The following ZNF697 variants were observed in gnomAD, a reference collection of about 807,000 sequenced individuals.
ZNF697 encodes zinc finger protein 697.
A neutral mutation model predicts 32.4 loss-of-function variants in ZNF697; 23 were observed. The ratio of observed to expected loss-of-function variants is 0.71; its 90% confidence interval spans 0.51 to 1.01. The LOEUF is 1.01. ZNF697 is among the 50% of genes least tolerant of loss of function. ZNF697 has a pLI of 0.00. For missense variants in ZNF697, 930 were observed against 794.0 expected (o/e 1.17, Z -2.06); for synonymous variants, 418 against 337.2 (o/e 1.24, Z -2.62).
rs1648399737 is a variant in ZNF697, at chr1:119,623,028, AC to A, written c.1314del (p.Cys439AlafsTer15). 6.3e-7 allele frequency: 1 copy of A among 1,590,332 alleles called. No individual in the cohort carries two copies. The highest frequency in any genetic ancestry group is 8.6e-7 in the Non-Finnish European group (1 of 1,167,016). On this transcript the variant is annotated frameshift_variant, in exon 3 of 3. Coordinates refer to ENST00000421812, the MANE Select transcript of ZNF697 (RefSeq NM_001080470.2). LOFTEE classifies it high-confidence loss of function. ...KRTHSGERPY[V>X]CRECGKGFGR... ...CCGAAGCCCTTCCCGCACTCGCGGCACACGTAGGGCCGCTCACCCGAGTGCG... is the reference window on the plus strand; with the variant it reads ...CCGAAGCCCTTCCCGCACTCGCGGCAACGTAGGGCCGCTCACCCGAGTGCG...
At position 119,622,608 on chromosome 1, in the gene ZNF697, C is replaced by A. The variant is rs1648369408; in HGVS notation, c.*97G>T. On this transcript the variant is annotated 3_prime_UTR_variant, in exon 3 of 3. Transcript: ENST00000421812. ...GGCTCCCCAGTCACTCTCAGATTGTCCCTCCCGCCCCTTCCCCACTTCCTT... is the reference window on the plus strand; with the variant it reads ...GGCTCCCCAGTCACTCTCAGATTGTACCTCCCGCCCCTTCCCCACTTCCTT... 2.1e-6 allele frequency: 3 copies of A among 1,430,184 alleles called. No homozygotes were observed. Among genetic ancestry groups the A allele is most frequent in the South Asian group, 3.0e-5 (2 of 66,866 alleles). The allele number at this position is 1,430,184 out of a possible 1,614,324, so 88.6% of individuals were successfully genotyped here.
Position 119,625,900 on chromosome 1 carries a change from C to A in ZNF697, c.201G>T (p.Arg67Ser). 6.2e-7 allele frequency: 1 copy of A among 1,613,724 alleles called. No individual in the cohort carries two copies. The highest frequency in any genetic ancestry group is 8.5e-7 in the Non-Finnish European group (1 of 1,179,812). Residue 67 changes from arginine (R) to serine (S), a missense_variant, in exon 2 of 3, where the codon AGG becomes AGT. Arg to Ser is a moderately radical substitution (Grantham distance 110). Coordinates refer to ENST00000421812, the MANE Select transcript of ZNF697 (RefSeq NM_001080470.2). ...MGSNPQDSRH[R>S]EAVPDICTEG... is the part of the protein sequence containing the mutation. ...CTGTGCAGATGTCGGGCACTGCTTC[C>A]CTGTGCCTTGAGTCCTGTGGGTTGG... is the stretch of plus-strand genomic sequence containing the variant.
chr1:119,626,872 C>G (rs1023583662), intron 1 of ZNF697, among the ~76,000 whole-genome samples: 1 of 152,172 alleles, frequency 6.6e-6, no homozygotes, highest in Non-Finnish European at 1.5e-5. Context: ...CCATCTCTAT[C>G]ATCCTAATTA....
intron 1 of ZNF697, among the ~76,000 whole-genome samples, chr1:119,639,658 C>T (rs1007644632): frequency 7.3e-5 from 11 of 150,696 alleles, no homozygotes; most frequent in Non-Finnish European, 1.5e-4. Flanking sequence ...GCCAGTGGAT[C>T]GCTTAAGCTC....
At chr1:119,627,711 A>C (rs1304145626) in intron 1 of ZNF697, among the ~76,000 whole-genome samples, 3 of 152,094 alleles carry the variant, frequency 2.0e-5, no homozygotes, top group Non-Finnish European at 4.4e-5. Flanking sequence ...ATGTCTTCGG[A>C]TATGGCTGTG....
chr1:119,622,613 C>T lies in ZNF697; in HGVS notation c.*92G>A, dbSNP rs1648369657. 7.0e-7 allele frequency: 1 copy of T among 1,434,592 alleles called. No individual in the cohort carries two copies. The allele number at this position is 1,434,592 out of a possible 1,614,324, so 88.9% of individuals were successfully genotyped here. Reference sequence around the variant, plus strand: ...CCCAGTCACTCTCAGATTGTCCCTCCCGCCCCTTCCCCACTTCCTTCCCCT... The same window carrying T: ...CCCAGTCACTCTCAGATTGTCCCTCTCGCCCCTTCCCCACTTCCTTCCCCT... On this transcript the variant is annotated 3_prime_UTR_variant, in exon 3 of 3. Coordinates refer to ENST00000421812, the MANE Select transcript of ZNF697 (RefSeq NM_001080470.2).
chr1:119,634,840 G>A (rs1318063906), intron 1 of ZNF697, among the ~76,000 whole-genome samples: 1 of 152,232 alleles, frequency 6.6e-6, no homozygotes, highest in African/African-American at 2.4e-5. Flanking sequence ...CGGAGGAACT[G>A]TGAATACTAA....
At position 119,620,799 on chromosome 1, in the gene ZNF697, G is replaced by A. The variant is rs1474389709; in HGVS notation, c.*1906C>T. The A allele has an allele frequency of 1.3e-5, 2 of 152,576 alleles. No individual in the cohort carries two copies. Among genetic ancestry groups the A allele is most frequent in the Non-Finnish European group, 2.9e-5 (2 of 68,026 alleles). The allele number at this position is 152,576 out of a possible 1,614,324, so 9.5% of individuals were successfully genotyped here. A position where few individuals can be genotyped will look rare whatever the true frequency, so the allele number is the denominator to read the frequency against. ...ATGCTTTCCTACAGTCCCCAAAGAG[G>A]TTCTTTACTAGAATACAACTGATCA... On this transcript the variant is annotated 3_prime_UTR_variant, in exon 3 of 3. Coordinates refer to ENST00000421812, the MANE Select transcript of ZNF697 (RefSeq NM_001080470.2).
chr1:119,647,852 G>A lies in ZNF697; in HGVS notation c.-199C>T, dbSNP rs1486286902. On this transcript the variant is annotated 5_prime_UTR_variant, in exon 1 of 3. Coordinates refer to ENST00000421812, the MANE Select transcript of ZNF697 (RefSeq NM_001080470.2). ...CCGCCCCTCGCCACATACCCCTGAG[G>A]GAGCTCAGTCCTGGCTTTGGGGGCG... 1 of 152,762 alleles carries A rather than the reference G, an allele frequency of 6.5e-6. No individual in the cohort carries two copies. The highest frequency in any genetic ancestry group is 1.5e-5 in the Non-Finnish European group (1 of 68,478). The allele number at this position is 152,762 out of a possible 1,614,324, so 9.5% of individuals were successfully genotyped here.
chr1:119,623,288 GGCCGCAGCGCCGCCGCCCCCGC>G lies in ZNF697; in HGVS notation c.1033_1054del (p.Ala345ProfsTer46). On this transcript the variant is annotated frameshift_variant, in exon 3 of 3. Transcript: ENST00000421812. LOFTEE classifies it high-confidence loss of function. ...CTTGCCGCACTCCCCGCAGGCGAAG[GGCCGCAGCGCCGCCGCCCCCGC>G]GCCGCTGGCCGCCGCGTGCGCGCGC... The G allele has an allele frequency of 6.3e-6, 9 of 1,438,086 alleles. No homozygotes were observed. Among genetic ancestry groups the G allele is most frequent in the East Asian group, 2.8e-5 (1 of 35,254 alleles). 89.1% of individuals were successfully genotyped at this position (1,438,086 alleles called of 1,614,324 possible). A position where few individuals can be genotyped will look rare whatever the true frequency, so the allele number is the denominator to read the frequency against.
chr1:119,636,586 G>A (rs1648929739), intron 1 of ZNF697, among the ~76,000 whole-genome samples: 1 of 152,142 alleles, frequency 6.6e-6, no homozygotes, highest in African/African-American at 2.4e-5. Context: ...CACATATGGA[G>A]AGCGAGGGAC....
At chr1:119,633,356 ATGTGTGTGTGTGTGTGTGTG>A (rs58387828) in intron 1 of ZNF697, among the ~76,000 whole-genome samples, 1 of 143,142 alleles carries the variant, frequency 7.0e-6, no homozygotes, top group African/African-American at 2.5e-5. Context: ...AACCAATAGG[ATGTGTGTGTGTGTGTGTGTG>A]TGTGTGTGTG....
intron 1 of ZNF697, among the ~76,000 whole-genome samples, chr1:119,647,226 C>G (rs1379716156): frequency 1.3e-5 from 2 of 152,160 alleles, no homozygotes; most frequent in African/African-American, 4.8e-5. Flanking sequence ...GCTGCTCCCC[C>G]TCAACCTTTT....
intron 1 of ZNF697, among the ~76,000 whole-genome samples, chr1:119,629,491 TG>T (rs1648701193): frequency 6.6e-6 from 1 of 152,244 alleles, no homozygotes; most frequent in Admixed American, 6.5e-5. Flanking sequence ...CAGACTGACC[TG>T]GGTTTGAATC....
rs752302058 is a variant in ZNF697, at chr1:119,622,927, C to T, written c.1416G>A (p.Lys472=). The part of the protein sequence containing the change: ...EKPFRCGQCE[K]RFSDFSTLTQ... ...TGAGCGTGGAGAAGTCGCTGAAGCG[C>T]TTCTCGCACTGGCCACAGCGGAAGG... is the stretch of plus-strand genomic sequence containing the variant. Residue 472 remains lysine (K), a synonymous_variant, in exon 3 of 3, where the codon AAG becomes AAA. Transcript: ENST00000421812. The T allele has an allele frequency of 3.9e-5, 63 of 1,607,898 alleles. No homozygotes were observed. The Admixed American group carries it at 4.2e-4, about 11-fold the overall frequency.
At chr1:119,631,253 A>G (rs1330272514) in intron 1 of ZNF697, among the ~76,000 whole-genome samples, 1 of 152,226 alleles carries the variant, frequency 6.6e-6, no homozygotes, top group Non-Finnish European at 1.5e-5. Flanking sequence ...CGTGGATGGC[A>G]CCGCGGAGGC....
intron 1 of ZNF697, among the ~76,000 whole-genome samples, chr1:119,631,946 C>G (rs1173439556): frequency 6.6e-6 from 1 of 152,342 alleles, no homozygotes; most frequent in African/African-American, 2.4e-5. Context: ...GCGGGGACAC[C>G]CGATTGGGTA....
chr1:119,634,997 C>T (rs347904), intron 1 of ZNF697, among the ~76,000 whole-genome samples: 109,503 of 152,054 alleles, frequency 0.72, 39,713 homozygotes, highest in East Asian at 0.92. Flanking sequence ...ACATAACTCC[C>T]GGACAAAGGG....
chr1:119,634,286 A>G (rs1648862527), intron 1 of ZNF697, among the ~76,000 whole-genome samples: 1 of 152,240 alleles, frequency 6.6e-6, no homozygotes, highest in Admixed American at 6.5e-5. Context: ...CCCACTGTAT[A>G]TTCAACAACA....
Sources: allele counts gnomAD v4.1 joint callset (sites outside exome capture counted in the v4.1 genomes callset), GRCh38; gene constraint gnomAD v4.1.1; transcripts MANE v1.5; gene names NCBI Gene and HGNC (gene_info 2026-07-23, HGNC 2026-07-21).